The following SATB2 variants were observed in gnomAD, a reference collection of about 807,000 sequenced individuals.
SATB2 encodes DNA-binding protein SATB2.
In SATB2, 1 loss-of-function variant was observed where a neutral mutation model predicts 73.4. The ratio of observed to expected loss-of-function variants is 0.01; its 90% CI spans 0.00 to 0.06. The LOEUF is 0.06. Among genes scored for constraint, SATB2 ranks in the 10% least tolerant of loss-of-function variants. The pLI is 1.00. For synonymous variants in SATB2, 397 were observed against 367.0 expected (o/e 1.08, Z -0.93); for missense variants, 459 against 945.8 (o/e 0.49, Z 6.75).
At position 199,386,708 on chromosome 2, in the gene SATB2, GCGCGCGCGCACACACACACACACACACA is replaced by G. The variant is rs1234896457; in HGVS notation, c.347-4916_347-4889del. Among the ~76,000 whole-genome samples, 11 of 45,916 alleles carry G rather than the reference GCGCGCGCGCACACACACACACACACACA, an allele frequency of 2.4e-4. No individual in the cohort carries two copies. The East Asian group carries it at 6.5e-3, about 27-fold the overall frequency. 30.1% of individuals were successfully genotyped at this position (45,916 alleles called of 152,430 possible). ...TACACGTGCGCAAGCGCGCGCGCGC[GCGCGCGCGCACACACACACACACACACA>G]CACACACACACACACACACACACAC... On this transcript the variant is annotated intron_variant, in intron 3 of 10. Transcript: ENST00000417098.
chr2:199,458,112 G>C (rs906437826), upstream of SATB2: 2 of 145,926 alleles, frequency 1.4e-5, no homozygotes, highest in Admixed American at 7.3e-5. Context: ...GGGGGTAGGG[G>C]AAGTCTCTGG....
intron 2 of SATB2, among the ~76,000 whole-genome samples, chr2:199,436,084 G>A (rs1429085934): frequency 2.0e-5 from 3 of 152,006 alleles, no homozygotes; most frequent in Non-Finnish European, 2.9e-5. Context: ...CACACATCTG[G>A]GAATCAAAGA....
intron 3 of SATB2, among the ~76,000 whole-genome samples, chr2:199,415,159 G>T (rs921522404): frequency 6.6e-6 from 1 of 152,172 alleles, no homozygotes; most frequent in Non-Finnish European, 1.5e-5. Flanking sequence ...AGCAAGAAAC[G>T]CTCTATCCTT....
At chr2:199,291,993 T>A (rs1044608284) in intron 10 of SATB2, among the ~76,000 whole-genome samples, 1 of 152,020 alleles carries the variant, frequency 6.6e-6, no homozygotes, top group Admixed American at 6.5e-5. Context: ...TTCCAAACTT[T>A]CTATTTCTGA....
intron 2 of SATB2, among the ~76,000 whole-genome samples, chr2:199,439,799 T>C (rs1185840136): frequency 6.6e-6 from 1 of 152,026 alleles, no homozygotes; most frequent in Non-Finnish European, 1.5e-5. Context: ...ACTAGCCCCT[T>C]CTTTCCATCC....
At chr2:199,342,239 T>A (rs1435328396) in intron 7 of SATB2, among the ~76,000 whole-genome samples, 1 of 151,974 alleles carries the variant, frequency 6.6e-6, no homozygotes, top group East Asian at 1.9e-4. Context: ...CAGTGTAAAA[T>A]CATCCATCTC....
intron 6 of SATB2, among the ~76,000 whole-genome samples, chr2:199,353,217 C>T (rs1286422957): frequency 1.5e-5 from 2 of 132,722 alleles, no homozygotes; most frequent in Non-Finnish European, 3.1e-5. Context: ...TGCAGTGGCA[C>T]AATCTCAGCT....
intron 10 of SATB2, among the ~76,000 whole-genome samples, chr2:199,284,013 T>A (rs1476670123): frequency 6.6e-6 from 1 of 152,216 alleles, no homozygotes; most frequent in African/African-American, 2.4e-5. Flanking sequence ...CGGATCTGCA[T>A]ATTTGACATT....
At chr2:199,409,623 G>A (rs6722747) in intron 3 of SATB2, among the ~76,000 whole-genome samples, 207 of 150,342 alleles carry the variant, frequency 1.4e-3, no homozygotes, top group African/African-American at 4.9e-3. Flanking sequence ...TATTTTCAAC[G>A]CCTTACTTTA....
chr2:199,371,888 G>A (rs1204376482), intron 5 of SATB2, among the ~76,000 whole-genome samples: 2 of 151,918 alleles, frequency 1.3e-5, no homozygotes, highest in Non-Finnish European at 2.9e-5. Flanking sequence ...GATTTACTAA[G>A]GCTAATATTA....
At chr2:199,280,448 T>C (rs1692452647) in intron 10 of SATB2, among the ~76,000 whole-genome samples, 1 of 152,162 alleles carries the variant, frequency 6.6e-6, no homozygotes, top group African/African-American at 2.4e-5. Flanking sequence ...GAGATAACCT[T>C]AAACTCTGAC....
At chr2:199,300,187 CAGGG>C (rs561895008) in intron 10 of SATB2, among the ~76,000 whole-genome samples, 48 of 147,728 alleles carry the variant, frequency 3.2e-4, no homozygotes, top group Non-Finnish European at 6.0e-4. Context: ...GGGAGGGAGG[CAGGG>C]AGGGAGGGAG....
intron 6 of SATB2, among the ~76,000 whole-genome samples, chr2:199,366,840 A>G (rs1467936378): frequency 6.6e-6 from 1 of 151,870 alleles, no homozygotes. Context: ...ATACAGCTTG[A>G]AGAATTAAAG....
At position 199,272,124 on chromosome 2, in the gene SATB2, A is replaced by G. The variant is rs187998908; in HGVS notation, c.*87T>C. 2.3e-4 allele frequency: 325 copies of G among 1,392,670 alleles called. 11 individuals carry two copies. In the East Asian group the frequency reaches 4.0e-3, roughly 17 times the overall value. The allele number at this position is 1,392,670 out of a possible 1,614,324, so 86.3% of individuals were successfully genotyped here. ...GCCAAAAAAACCCAAAAACAAAAAC[A>G]AAAAACAAACTAACAAAAAACTTTT... On this transcript the variant is annotated 3_prime_UTR_variant, in exon 11 of 11. Coordinates refer to ENST00000417098, the MANE Select transcript of SATB2 (RefSeq NM_001172509.2). The surrounding 1 kb of genome is among the most constrained non-coding windows in gnomAD (Gnocchi z 6.7).
chr2:199,399,230 C>T (rs1047496760), intron 3 of SATB2, among the ~76,000 whole-genome samples: 1 of 152,134 alleles, frequency 6.6e-6, no homozygotes, highest in African/African-American at 2.4e-5. Context: ...CAAGATCCTG[C>T]CACTGCACTC....
Position 199,323,742 on chromosome 2 carries a change from G to A in SATB2, c.1542+61C>T, listed in dbSNP as rs916358571. 48 of 1,475,786 alleles carry A rather than the reference G, an allele frequency of 3.3e-5. 1 individual carries two copies. In the South Asian group the frequency reaches 5.0e-4, roughly 15 times the overall value. The allele number at this position is 1,475,786 out of a possible 1,614,324, so 91.4% of individuals were successfully genotyped here. A position where few individuals can be genotyped will look rare whatever the true frequency, so the allele number is the denominator to read the frequency against. On this transcript the variant is annotated intron_variant, in intron 9 of 10. Coordinates refer to ENST00000417098, the MANE Select transcript of SATB2 (RefSeq NM_001172509.2). ...TATAGGAACAGATGTATTTTTATTG[G>A]TGGAGGAAGGAGAAGGATCTAATTC...
intron 10 of SATB2, among the ~76,000 whole-genome samples, chr2:199,281,884 T>C (rs766723888): frequency 0.028 from 312 of 11,248 alleles, no homozygotes; most frequent in Admixed American, 0.16. Context: ...TTCTCTCTCT[T>C]TTTTTTTTTT....
chr2:199,392,733 G>T (rs1488434051), intron 3 of SATB2, among the ~76,000 whole-genome samples: 1 of 151,930 alleles, frequency 6.6e-6, no homozygotes, highest in Non-Finnish European at 1.5e-5. Context: ...TATAAAATGG[G>T]GAGTTAAAAG....
chr2:199,276,248 T>C (rs1692309221), intron 10 of SATB2, among the ~76,000 whole-genome samples: 1 of 152,186 alleles, frequency 6.6e-6, no homozygotes, highest in African/African-American at 2.4e-5. Context: ...CAGAATCAAG[T>C]CATCTTTTCT....
Sources: gnomAD v4.1 joint callset for allele counts (sites outside exome capture counted in the v4.1 genomes callset) on GRCh38, gnomAD v4.1.1 for gene constraint, Gnocchi (gnomAD v3.1) non-coding constraint, MANE v1.5 for transcripts, NCBI Gene and HGNC (gene_info 2026-07-23, HGNC 2026-07-21) for gene names.